Variants in SOS1 observed in about 807,000 individuals in gnomAD.
SOS1 encodes the protein son of sevenless homolog 1.
In SOS1, 25 loss-of-function variants were observed where a neutral mutation model predicts 157.6. The observed-to-expected ratio is 0.16, with a 90% CI of 0.12 to 0.22. The LOEUF (loss-of-function observed/expected upper bound fraction) is 0.22, where lower values mean the gene tolerates loss of function less well. SOS1 is among the 10% of genes least tolerant of loss of function. SOS1 has a pLI of 1.00. For synonymous variants in SOS1, 528 were observed against 534.0 expected, an observed-to-expected ratio of 0.99 and a Z score of 0.16; for missense variants, 1,237 against 1,599.1, an observed-to-expected ratio of 0.77 and a Z score of 3.86.
chr2:39,045,616 T>C (rs751028253), intron 6 of SOS1, among the ~76,000 whole-genome samples: 1 of 152,224 alleles, frequency 6.6e-6, no homozygotes, highest in Non-Finnish European at 1.5e-5. Flanking sequence ...TTAGTTTTTA[T>C]GTTATGATAT....
At chr2:39,063,711 C>T (rs1238603673) in intron 2 of SOS1, among the ~76,000 whole-genome samples, 1 of 152,206 alleles carries the variant, frequency 6.6e-6, no homozygotes, top group Non-Finnish European at 1.5e-5. Flanking sequence ...TAAAACTATA[C>T]AGCAACTAAA....
intron 1 of SOS1, among the ~76,000 whole-genome samples, chr2:39,104,484 A>G (rs922450114): frequency 5.3e-5 from 8 of 152,210 alleles, no homozygotes; most frequent in Admixed American, 6.6e-5. Flanking sequence ...AGGTAGAGAA[A>G]TTGACATGTG....
chr2:39,118,185 G>A (rs552122733), intron 1 of SOS1, among the ~76,000 whole-genome samples: 21 of 152,240 alleles, frequency 1.4e-4, no homozygotes, highest in Non-Finnish European at 2.9e-4. Context: ...GGTTGAGTGA[G>A]TCTAGAAGGA....
rs769098661 is a variant in SOS1, at chr2:39,022,996, G to C, written c.1432C>G (p.Pro478Ala). ...MICCKSNHGQ[P>A]RLPGASNAEY... ...GCATTGCTAGCACCAGGAAGTCTTG[G>C]CTGCCCATGATTTGATTTACAGCAA... The change falls in exon 10 of 23, where the codon CCA becomes GCA. Residue 478 changes from proline (P) to alanine (A), a missense_variant. By Grantham distance (27) the Pro-to-Ala change is conservative. This residue lies in a region of SOS1 where 210 missense variants were observed against 220.2 expected (regional missense o/e 0.95). Coordinates refer to ENST00000402219, the MANE Select transcript of SOS1 (RefSeq NM_005633.4). The C allele has an allele frequency of 1.9e-6, 3 of 1,613,752 alleles. No individual in the cohort carries two copies. The South Asian group carries it at 3.3e-5, about 18-fold the overall frequency.
At chr2:39,092,348 C>T (rs889201168) in intron 1 of SOS1, among the ~76,000 whole-genome samples, 2 of 152,154 alleles carry the variant, frequency 1.3e-5, no homozygotes, top group Non-Finnish European at 2.9e-5. Flanking sequence ...ACACTAACTA[C>T]CCTCTTCTAG....
At chr2:39,054,866 C>A (rs376430259) in intron 4 of SOS1, 43 bp from the exon 5 acceptor site, 28 of 1,034,568 alleles carry the variant, frequency 2.7e-5, no homozygotes, top group Non-Finnish European at 4.1e-5. Flanking sequence ...AAATATGAAG[C>A]TTTCGTAGAA....
chr2:38,993,726 C>G (rs1161107673), intron 20 of SOS1: 1 of 152,188 alleles, frequency 6.6e-6, no homozygotes, highest in Non-Finnish European at 1.5e-5. Context: ...ACCAGAAATT[C>G]TAACTTCGAG....
At chr2:39,034,822 C>T (rs1558480234) in intron 8 of SOS1, 1 of 458,070 alleles carries the variant, frequency 2.2e-6, no homozygotes, top group Admixed American at 2.3e-5. Flanking sequence ...TATCCTCACA[C>T]TGAGTCCCTG....
chr2:38,987,674 G>A, intron 21 of SOS1, 83 bp from the exon 22 acceptor site: 1 of 755,432 alleles, frequency 1.3e-6, no homozygotes, highest in Non-Finnish European at 2.3e-6. Flanking sequence ...GCTGGAAATT[G>A]CTTATAATTA....
In SOS1 at chr2:39,069,260, A is replaced by ACCTACT. The variant is rs1444963767; in HGVS notation, c.88-1513_88-1508dup. Among the ~76,000 whole-genome samples the ACCTACT allele has an allele frequency of 1.1e-3, 142 of 131,628 alleles. 1 individual carries two copies. The highest frequency in any genetic ancestry group is 3.8e-3 in the African/African-American group (138 of 36,324). 86.4% of individuals were successfully genotyped at this position (131,628 alleles called of 152,430 possible). On this transcript the variant is annotated intron_variant, in intron 1 of 22. Transcript: ENST00000402219. The stretch of plus-strand genomic sequence containing the variant: ...GTGACACATGCCTGTAGTAGTCCCC[A>ACCTACT]CCTACTCCAGAGGCTGAGGTGACGT...
intron 20 of SOS1, among the ~76,000 whole-genome samples, chr2:38,991,569 C>A (rs1217491832): frequency 1.3e-5 from 2 of 152,212 alleles, no homozygotes; most frequent in Admixed American, 6.5e-5. Flanking sequence ...GTCATCACCT[C>A]AAAGGTGGAC....
chr2:39,118,573 T>C (rs1338733782), intron 1 of SOS1, among the ~76,000 whole-genome samples: 1 of 152,118 alleles, frequency 6.6e-6, no homozygotes, highest in African/African-American at 2.4e-5. Flanking sequence ...TTTATGTAAA[T>C]ATGCAAAAAG....
chr2:38,987,711 C>T lies in SOS1; in HGVS notation c.3392-120G>A, dbSNP rs1196363144. On this transcript the variant is annotated intron_variant, in intron 21 of 22. Transcript: ENST00000402219. ...AAGTAATGTGTAGAAATACCAAAAGCTGTTCAATAAACCAATACCGAATAG... is the reference window on the plus strand; with the variant it reads ...AAGTAATGTGTAGAAATACCAAAAGTTGTTCAATAAACCAATACCGAATAG... 5 of 682,666 alleles carry T rather than the reference C, an allele frequency of 7.3e-6. No homozygotes were observed. In the African/African-American group the frequency reaches 8.9e-5, roughly 12 times the overall value. 42.3% of individuals were successfully genotyped at this position (682,666 alleles called of 1,614,324 possible). A position where few individuals can be genotyped will look rare whatever the true frequency, so the allele number is the denominator to read the frequency against.
Position 39,024,066 on chromosome 2 carries a change from A to G in SOS1, c.1146T>C (p.Asn382=). 3 of 1,603,176 alleles carry G rather than the reference A, an allele frequency of 1.9e-6. No homozygotes were observed. The highest frequency in any genetic ancestry group is 1.7e-6 in the Non-Finnish European group (2 of 1,170,216). The part of the protein sequence containing the change: ...CLKQAITALL[N]VQSGMEKICS... ...ATATTTTTTCCATACCACTCTGAAC[A>G]TTAAGCAAAGCTGTTATTGCTTGTT... is the stretch of plus-strand genomic sequence containing the variant. Residue 382 remains asparagine, a synonymous_variant, in exon 9 of 23, where the codon AAT becomes AAC. Transcript: ENST00000402219.
intron 21 of SOS1, among the ~76,000 whole-genome samples, chr2:38,987,918 G>GA (rs753715037): frequency 6.6e-6 from 1 of 152,162 alleles, no homozygotes; most frequent in Non-Finnish European, 1.5e-5. Context: ...GTGAGCTACT[G>GA]AAAATCTTTG....
rs573072691 is a variant in SOS1, at chr2:39,098,825, G to C, written c.87+21511C>G. Reference sequence around the variant, plus strand: ...AATTGCCTGAACCCGGAAGGTGGAGGTTGCAGTGAGCCAAGATTGTGCCAC... The same window carrying C: ...AATTGCCTGAACCCGGAAGGTGGAGCTTGCAGTGAGCCAAGATTGTGCCAC... On this transcript the variant is annotated intron_variant, in intron 1 of 22. Transcript: ENST00000402219. Among the ~76,000 whole-genome samples the C allele has an allele frequency of 5.9e-5, 9 of 152,204 alleles. No individual in the cohort carries two copies. The East Asian group carries it at 1.7e-3, about 29-fold the overall frequency.
At chr2:39,007,375 G>A in intron 15 of SOS1, 182 bp from the exon 16 acceptor site, 1 of 595,682 alleles carries the variant, frequency 1.7e-6, no homozygotes, top group Non-Finnish European at 3.0e-6. Context: ...CAGGCATACT[G>A]CTCTTTCCCG....
chr2:39,038,229 A>G (rs1670423604), intron 6 of SOS1, among the ~76,000 whole-genome samples: 1 of 152,224 alleles, frequency 6.6e-6, no homozygotes, highest in African/African-American at 2.4e-5. Context: ...AGGTCAAAAT[A>G]TCCACATTAA....
intron 2 of SOS1, among the ~76,000 whole-genome samples, chr2:39,064,942 G>T (rs1461924736): frequency 1.3e-5 from 2 of 149,832 alleles, no homozygotes; most frequent in Non-Finnish European, 3.0e-5. Flanking sequence ...TTTTTTAGTA[G>T]AGATGGGGTT....
Sources: gnomAD v4.1 joint callset for allele counts (sites outside exome capture counted in the v4.1 genomes callset) on GRCh38, gnomAD v4.1.1 for gene constraint, gnomAD v4.1.1 regional missense constraint, MANE v1.5 for transcripts, NCBI Gene and HGNC (gene_info 2026-07-23, HGNC 2026-07-21) for gene names.